Variants in TMEM45B observed in about 807,000 individuals in gnomAD.
The protein encoded by TMEM45B is transmembrane protein 45B.
Under a neutral mutation model 27.3 loss-of-function variants are expected in TMEM45B, and 29 were observed. The observed-to-expected ratio is 1.06, with a 90% CI of 0.79 to 1.45. TMEM45B has a LOEUF of 1.45. Among genes scored for constraint, TMEM45B ranks in the 40% most tolerant of loss-of-function variants. TMEM45B has a pLI of 0.00. For synonymous variants in TMEM45B, 143 were observed against 134.7 expected, an observed-to-expected ratio of 1.06 and a Z score of -0.43; for missense variants, 348 against 343.9, an observed-to-expected ratio of 1.01 and a Z score of -0.09.
rs11552101 is a variant in TMEM45B at position 129,858,693 on chromosome 11, T to C, written c.*8T>C. 2 of 1,548,014 alleles carry C rather than the reference T, an allele frequency of 1.3e-6. No individual in the cohort carries two copies. The highest frequency in any genetic ancestry group is 1.2e-5 in the South Asian group (1 of 84,060). On this transcript the variant is annotated 3_prime_UTR_variant, in exon 6 of 6. Transcript: ENST00000281441. The stretch of plus-strand genomic sequence containing the variant: ...GGCTCAGATGAGGAATGAGCCGAGA[T>C]GCGGAGGGCGCAGATGTCCCACTGC...
intron 1 of TMEM45B, among the ~76,000 whole-genome samples, chr11:129,827,782 AC>A (rs1947503561): frequency 6.6e-6 from 1 of 152,156 alleles, no homozygotes. Context: ...AGCCTGGGCA[AC>A]AAGAGCGAAA....
intron 1 of TMEM45B, among the ~76,000 whole-genome samples, chr11:129,841,537 AG>A (rs34525856): frequency 0.3 from 45,224 of 149,720 alleles, 7,613 homozygotes; most frequent in East Asian, 0.47. Context: ...CCCCACACAG[AG>A]GGACTGACAG....
intron 1 of TMEM45B, among the ~76,000 whole-genome samples, chr11:129,839,424 A>G (rs569803139): frequency 1.4e-3 from 206 of 152,306 alleles, no homozygotes; most frequent in African/African-American, 4.6e-3. Flanking sequence ...ACCTGTCCAA[A>G]ACATTCAATC....
At chr11:129,854,944 T>TGCCAAAACCTGAATAGGACCTAGTGCTC in intron 3 of TMEM45B, 128 bp downstream of exon 3, 1 of 1,070,820 alleles carries the variant, frequency 9.3e-7, no homozygotes, top group Non-Finnish European at 1.3e-6. Context: ...ATCTCTGGAC[T>TGCCAAAACCTGAATAGGACCTAGTGCTC]GCCAAAACCT....
intron 5 of TMEM45B, 130 bp downstream of exon 5, chr11:129,857,588 A>G (rs564715781): frequency 1.0e-6 from 1 of 998,614 alleles, no homozygotes; most frequent in African/African-American, 1.6e-5. Context: ...CAGGGAAGGT[A>G]TCACTACCCT....
rs1947372182 is a variant in TMEM45B, at chr11:129,817,993, AC to A, written c.-9+2096del. 2.6e-5 allele frequency among the ~76,000 whole-genome samples: 4 copies of A among 152,216 alleles called. No individual in the cohort carries two copies. In the South Asian group the frequency reaches 8.3e-4, roughly 31 times the overall value. On this transcript the variant is annotated intron_variant, in intron 1 of 5. Coordinates refer to ENST00000281441, the MANE Select transcript of TMEM45B (RefSeq NM_138788.5). ...TCATCAACTAATGGTACTTATAGAC[AC>A]ATTCCATATTTGTTTCTATAGAAAG...
chr11:129,858,068 G>A (rs533581021), intron 5 of TMEM45B, among the ~76,000 whole-genome samples: 1 of 152,290 alleles, frequency 6.6e-6, no homozygotes, highest in African/African-American at 2.4e-5. Flanking sequence ...AAAAAGCTGA[G>A]TAACTTGACC....
chr11:129,838,018 G>A (rs1415958049), intron 1 of TMEM45B, among the ~76,000 whole-genome samples: 1 of 152,016 alleles, frequency 6.6e-6, no homozygotes, highest in African/African-American at 2.4e-5. Context: ...CTGATCTCAG[G>A]TGATCCACCC....
intron 1 of TMEM45B, among the ~76,000 whole-genome samples, chr11:129,837,194 C>T (rs1371251053): frequency 1.3e-5 from 2 of 152,106 alleles, no homozygotes; most frequent in African/African-American, 4.8e-5. Context: ...ACAGCATGCT[C>T]TTCTCCCTTT....
intron 1 of TMEM45B, among the ~76,000 whole-genome samples, chr11:129,837,318 C>T (rs577227931): frequency 1.6e-4 from 24 of 151,910 alleles, no homozygotes; most frequent in Non-Finnish European, 3.1e-4. Flanking sequence ...CGGAGTCTTG[C>T]TCTGTCTCTC....
chr11:129,848,550 A>G (rs1591448493), intron 1 of TMEM45B, among the ~76,000 whole-genome samples: 1 of 152,110 alleles, frequency 6.6e-6, no homozygotes, highest in Non-Finnish European at 1.5e-5. Flanking sequence ...GTTCTTGATG[A>G]TGGGTGGGAC....
intron 2 of TMEM45B, among the ~76,000 whole-genome samples, chr11:129,853,508 G>T (rs118098136): frequency 6.6e-6 from 1 of 152,308 alleles, no homozygotes; most frequent in East Asian, 1.9e-4. Context: ...GAGGCCTCCC[G>T]TGAGAAGTGA....
At chr11:129,831,454 T>C (rs1413840662) in intron 1 of TMEM45B, among the ~76,000 whole-genome samples, 3 of 152,216 alleles carry the variant, frequency 2.0e-5, no homozygotes, top group African/African-American at 7.2e-5. Context: ...ATGATTCATA[T>C]CCAGGGTGGG....
At chr11:129,839,569 C>CCAGCGGTGGAGTGACACGGAGTGT (rs1947665002) in intron 1 of TMEM45B, among the ~76,000 whole-genome samples, 1 of 152,170 alleles carries the variant, frequency 6.6e-6, no homozygotes, top group Non-Finnish European at 1.5e-5. Context: ...ACTGTGTCAC[C>CCAGCGGTGGAGTGACACGGAGTGT]CAGCGGTGGA....
At chr11:129,838,182 C>A (rs1299927272) in intron 1 of TMEM45B, among the ~76,000 whole-genome samples, 1 of 152,160 alleles carries the variant, frequency 6.6e-6, no homozygotes, top group Admixed American at 6.5e-5. Context: ...CCCTTTAGGA[C>A]TTAAAGGACT....
In TMEM45B at chr11:129,854,721, C is replaced by T. The variant is rs774832360; in HGVS notation, c.290C>T (p.Ala97Val). The change falls in exon 3 of 6, where the codon GCA becomes GTA. Residue 97 changes from alanine to valine, a missense_variant. Coordinates refer to ENST00000281441, the MANE Select transcript of TMEM45B (RefSeq NM_138788.5). ...WQHSTMYLFF[A>V]VSGIVDMLTY... ...CACAGCACCATGTACCTATTCTTTG[C>T]AGTCTCAGGAATTGTTGACATGCTC... is the stretch of plus-strand genomic sequence containing the variant. 1 of 1,614,210 alleles carries T rather than the reference C, an allele frequency of 6.2e-7. No individual in the cohort carries two copies. The highest frequency in any genetic ancestry group is 1.3e-5 in the African/African-American group (1 of 75,044).
At chr11:129,820,212 G>A (rs1947402334) in intron 1 of TMEM45B, among the ~76,000 whole-genome samples, 3 of 152,224 alleles carry the variant, frequency 2.0e-5, no homozygotes, top group Admixed American at 6.5e-5. Flanking sequence ...CTACTCAGGA[G>A]GCTGAGGCAG....
intron 1 of TMEM45B, among the ~76,000 whole-genome samples, chr11:129,832,851 T>TA (rs971957545): frequency 2.6e-5 from 4 of 152,190 alleles, no homozygotes; most frequent in Non-Finnish European, 5.9e-5. Flanking sequence ...AAATAAAAAG[T>TA]AAAAAAACTT....
At chr11:129,843,065 G>T (rs751597646) in intron 1 of TMEM45B, among the ~76,000 whole-genome samples, 5 of 152,138 alleles carry the variant, frequency 3.3e-5, no homozygotes, top group Admixed American at 1.3e-4. Context: ...TCAGCCTCCC[G>T]AGTGGCTGGA....
Sources: gnomAD v4.1 joint callset for allele counts (sites outside exome capture counted in the v4.1 genomes callset) on GRCh38, gnomAD v4.1.1 for gene constraint, MANE v1.5 for transcripts, NCBI Gene and HGNC (gene_info 2026-07-23, HGNC 2026-07-21) for gene names.